The following XYLT1 variants were observed in gnomAD, a reference collection of about 807,000 sequenced individuals.
XYLT1 encodes beta-D-xylosyltransferase 1.
Under a neutral mutation model 91.3 loss-of-function variants are expected in XYLT1, and 36 were observed. The observed-to-expected ratio is 0.39, with a 90% confidence interval of 0.30 to 0.52. The LOEUF is 0.52. Ranked by LOEUF, XYLT1 falls within the 20% of genes least tolerant of loss-of-function variation. XYLT1 has a pLI of 0.68. For synonymous variants in XYLT1, 588 were observed against 532.0 expected (o/e 1.11, Z -1.45); for missense variants, 1,242 against 1,284.5 (o/e 0.97, Z 0.51).
At chr16:17,141,032 G>A in intron 7 of XYLT1, 121 bp downstream of exon 7, 1 of 926,990 alleles carries the variant, frequency 1.1e-6, no homozygotes. Context: ...AGGATGTCTG[G>A]GTGTGTAGAG....
At chr16:17,331,291 C>T (rs1278134724) in intron 2 of XYLT1, among the ~76,000 whole-genome samples, 2 of 152,256 alleles carry the variant, frequency 1.3e-5, no homozygotes, top group Non-Finnish European at 2.9e-5. Flanking sequence ...AGGTAGAGTA[C>T]TCGGCACTTG....
chr16:17,162,182 T>A (rs1597160801), intron 5 of XYLT1, among the ~76,000 whole-genome samples: 1 of 151,828 alleles, frequency 6.6e-6, no homozygotes, highest in South Asian at 2.1e-4. Context: ...CCGAGGCAGG[T>A]GGGTCACTTG....
At chr16:17,406,220 A>T (rs1467328216) in intron 1 of XYLT1, among the ~76,000 whole-genome samples, 1 of 152,210 alleles carries the variant, frequency 6.6e-6, no homozygotes, top group Non-Finnish European at 1.5e-5. Context: ...ATGCATTCAC[A>T]TGCTCATTCA....
intron 3 of XYLT1, among the ~76,000 whole-genome samples, chr16:17,225,770 A>C (rs1246386449): frequency 6.6e-6 from 1 of 152,208 alleles, no homozygotes; most frequent in East Asian, 1.9e-4. Context: ...GTGGTAAGTT[A>C]CAATGCCCCA....
chr16:17,244,381 G>A (rs1596445006), intron 3 of XYLT1, among the ~76,000 whole-genome samples: 1 of 152,178 alleles, frequency 6.6e-6, no homozygotes, highest in Non-Finnish European at 1.5e-5. Context: ...TGTTACTAAC[G>A]TGAAACCTGA....
At chr16:17,449,493 T>A (rs2036638038) in intron 1 of XYLT1, among the ~76,000 whole-genome samples, 1 of 152,204 alleles carries the variant, frequency 6.6e-6, no homozygotes, top group Non-Finnish European at 1.5e-5. Context: ...CAACGGGACT[T>A]AGCATCAAGT....
At chr16:17,276,459 T>C (rs1251137987) in intron 2 of XYLT1, among the ~76,000 whole-genome samples, 1 of 152,224 alleles carries the variant, frequency 6.6e-6, no homozygotes, top group African/African-American at 2.4e-5. Flanking sequence ...CAGCCTGGAC[T>C]GAGAGCTGCT....
At chr16:17,449,951 T>G (rs1253036443) in intron 1 of XYLT1, among the ~76,000 whole-genome samples, 2 of 152,246 alleles carry the variant, frequency 1.3e-5, no homozygotes, top group African/African-American at 4.8e-5. Flanking sequence ...ACTGAGCACC[T>G]ATTGTGTGCC....
rs547616395 is a variant in XYLT1, at chr16:17,265,938, T to A, written c.403-6440A>T. ...TTGCATTAGCTGATGTCCAATTTTC[T>A]TATCTGTAAAATGATGTGTCCCGAA... On this transcript the variant is annotated intron_variant, in intron 2 of 11. Coordinates refer to ENST00000261381, the MANE Select transcript of XYLT1 (RefSeq NM_022166.4). Among the ~76,000 whole-genome samples the A allele has an allele frequency of 1.3e-5, 2 of 152,314 alleles. 1 individual carries two copies. The highest frequency in any genetic ancestry group is 4.1e-4 in the South Asian group (2 of 4,824).
rs775875665 is a variant in XYLT1, at chr16:17,346,433, G to A, written c.402+11579C>T. ...TTCTATGAACCAGTGACCCCATCCC[G>A]AGGCCCCATGCAAAGGGGCAGCTGG... On this transcript the variant is annotated intron_variant, in intron 2 of 11. Coordinates refer to ENST00000261381, the MANE Select transcript of XYLT1 (RefSeq NM_022166.4). 2.6e-5 allele frequency among the ~76,000 whole-genome samples: 4 copies of A among 152,146 alleles called. No individual in the cohort carries two copies. In the East Asian group the frequency reaches 5.8e-4, roughly 22 times the overall value.
chr16:17,116,079 ATGCTTT>A (rs1966851802), intron 11 of XYLT1, among the ~76,000 whole-genome samples: 3 of 151,922 alleles, frequency 2.0e-5, no homozygotes, highest in Admixed American at 1.3e-4. Context: ...TATTATGTTT[ATGCTTT>A]ACAAGTATGG....
chr16:17,432,556 C>G (rs534301740), intron 1 of XYLT1, among the ~76,000 whole-genome samples: 1 of 152,250 alleles, frequency 6.6e-6, no homozygotes, highest in Admixed American at 6.5e-5. Flanking sequence ...GGAGTCTTAT[C>G]AGGGTTATGA....
At chr16:17,366,321 T>C (rs958586662) in intron 1 of XYLT1, among the ~76,000 whole-genome samples, 27 of 152,236 alleles carry the variant, frequency 1.8e-4, no homozygotes, top group African/African-American at 6.5e-4. Context: ...CTAGTCAATA[T>C]TGACAATAAT....
At chr16:17,126,049 A>G (rs1429072489) in intron 10 of XYLT1, among the ~76,000 whole-genome samples, 1 of 152,218 alleles carries the variant, frequency 6.6e-6, no homozygotes, top group Non-Finnish European at 1.5e-5. Flanking sequence ...GTGGTCCTGT[A>G]GTTCTTCCTT....
intron 1 of XYLT1, among the ~76,000 whole-genome samples, chr16:17,461,923 C>T (rs564030493): frequency 1.3e-5 from 2 of 152,244 alleles, no homozygotes; most frequent in East Asian, 3.9e-4. Flanking sequence ...TATAAGAATT[C>T]AATAAAAGCA....
chr16:17,310,181 C>T (rs934642772), intron 2 of XYLT1, among the ~76,000 whole-genome samples: 7 of 152,242 alleles, frequency 4.6e-5, no homozygotes, highest in Non-Finnish European at 2.9e-5. Flanking sequence ...TCCCTCCAGC[C>T]CTACTTTTCC....
intron 1 of XYLT1, among the ~76,000 whole-genome samples, chr16:17,458,174 T>C (rs762017445): frequency 6.6e-6 from 1 of 152,198 alleles, no homozygotes; most frequent in Non-Finnish European, 1.5e-5. Context: ...CCTCGCTCAT[T>C]ATGAAATGAT....
At chr16:17,398,830 T>A (rs1412378617) in intron 1 of XYLT1, among the ~76,000 whole-genome samples, 1 of 12,770 alleles carries the variant, frequency 7.8e-5, no homozygotes, top group South Asian at 3.8e-3. Context: ...CCCCCCCCAC[T>A]GTTTTTTTGT....
chr16:17,357,865 A>G (rs2035323302), intron 2 of XYLT1, 147 bp downstream of exon 2: 2 of 797,062 alleles, frequency 2.5e-6, no homozygotes, highest in Non-Finnish European at 4.0e-6. Context: ...GCCAGTGTGT[A>G]TACATACATG....
Sources: allele counts gnomAD v4.1 joint callset (sites outside exome capture counted in the v4.1 genomes callset), GRCh38; gene constraint gnomAD v4.1.1; transcripts MANE v1.5; gene names NCBI Gene and HGNC (gene_info 2026-07-23, HGNC 2026-07-21).